REV3L: variants seen among roughly 807,000 people sequenced by gnomAD.
REV3L encodes DNA polymerase zeta catalytic subunit.
REV3L carries 69 observed loss-of-function variants against 299.4 expected under a neutral mutation model. The ratio of observed to expected loss-of-function variants is 0.23; its 90% CI spans 0.19 to 0.28. The LOEUF is 0.28. Among genes scored for constraint, REV3L ranks in the 10% least tolerant of loss-of-function variants. The pLI is 1.00. For missense variants in REV3L, 3,128 were observed against 3,693.8 expected, an observed-to-expected ratio of 0.85 and a Z score of 3.97; for synonymous variants, 1,238 against 1,271.4, an observed-to-expected ratio of 0.97 and a Z score of 0.56.
chr6:111,333,704 G>GAC (rs1366648915), intron 22 of REV3L, among the ~76,000 whole-genome samples: 1 of 151,992 alleles, frequency 6.6e-6, no homozygotes, highest in African/African-American at 2.4e-5. Context: ...TCGAACTCCT[G>GAC]ACCTCAGGTG....
rs755311863 is a variant in REV3L, at chr6:111,368,077, C to T, written c.5760-49G>A. Reference sequence around the variant, plus strand: ...ACTGTTTTGTTTCAAAGAGCAATTACCAAAATATTTAACTCCATATCCTAG... The same window carrying T: ...ACTGTTTTGTTTCAAAGAGCAATTATCAAAATATTTAACTCCATATCCTAG... On this transcript the variant is annotated intron_variant, in intron 13 of 31. Coordinates refer to ENST00000368802, the MANE Select transcript of REV3L (RefSeq NM_001372078.1). 6.8e-6 allele frequency: 10 copies of T among 1,468,550 alleles called. No homozygotes were observed. The East Asian group carries it at 2.1e-4, about 31-fold the overall frequency. The allele number at this position is 1,468,550 out of a possible 1,614,324, so 91.0% of individuals were successfully genotyped here.
intron 4 of REV3L, among the ~76,000 whole-genome samples, chr6:111,404,766 G>A (rs183721990): frequency 2.3e-4 from 35 of 152,028 alleles, no homozygotes; most frequent in South Asian, 4.2e-4. Context: ...TAATATCAAC[G>A]GCTCTATAAA....
intron 9 of REV3L, 72 bp from the exon 10 acceptor site, chr6:111,381,516 T>A: frequency 7.3e-7 from 1 of 1,362,100 alleles, no homozygotes; most frequent in Non-Finnish European, 1.0e-6. Flanking sequence ...AGAATTTGTG[T>A]AAATTTGGAA....
chr6:111,440,486 A>C (rs1273603711), intron 1 of REV3L, among the ~76,000 whole-genome samples: 1 of 152,146 alleles, frequency 6.6e-6, no homozygotes, highest in African/African-American at 2.4e-5. Context: ...AGTTACAATG[A>C]TTTAAAATTC....
At chr6:111,323,217 T>C (rs1312376830) in intron 25 of REV3L, among the ~76,000 whole-genome samples, 1 of 152,200 alleles carries the variant, frequency 6.6e-6, no homozygotes, top group East Asian at 1.9e-4. Flanking sequence ...CTTGAACTCC[T>C]GATTTCGTGA....
rs144311082 is a variant in REV3L at position 111,376,131 on chromosome 6, C to T, written c.2224G>A (p.Glu742Lys). 1.9e-6 allele frequency: 3 copies of T among 1,612,864 alleles called. No individual in the cohort carries two copies. The highest frequency in any genetic ancestry group is 4.5e-5 in the East Asian group (2 of 44,880). The change falls in exon 13 of 32, where the codon GAA becomes AAA. Residue 742 changes from glutamate to lysine, a missense_variant. Glu to Lys is a moderately conservative substitution (Grantham distance 56). Transcript: ENST00000368802. ...LSSLFPSSFT[E>K]NCELLSCSGE... ...GAGCATGACAGTAATTCACAATTTT[C>T]AGTAAATGATGAAGGGAATAAACTA...
At chr6:111,331,916 G>C in intron 23 of REV3L, 132 bp from the exon 24 acceptor site, 2 of 612,514 alleles carry the variant, frequency 3.3e-6, no homozygotes, top group Admixed American at 3.4e-5. Flanking sequence ...CATGTACTTA[G>C]TAATATGTTT....
intron 1 of REV3L, among the ~76,000 whole-genome samples, chr6:111,443,504 A>C (rs1583013842): frequency 6.6e-6 from 1 of 152,266 alleles, no homozygotes; most frequent in Admixed American, 6.5e-5. Flanking sequence ...GCAGGCAACT[A>C]ATTTACTTGC....
rs191584056 is a variant in REV3L at position 111,337,503 on chromosome 6, G to C, written c.7539-1893C>G. ...CAATGGTATGATGAACATTTTTAAA[G>C]CTAAGTCTTTATACAGATGATTAAA... is the stretch of plus-strand genomic sequence containing the variant. On this transcript the variant is annotated intron_variant, in intron 21 of 31. Transcript: ENST00000368802. Among the ~76,000 whole-genome samples, 225 of 152,160 alleles carry C rather than the reference G, an allele frequency of 1.5e-3. 3 individuals carry two copies. Among genetic ancestry groups the C allele is most frequent in the Admixed American group, 2.0e-3 (30 of 15,276 alleles).
intron 30 of REV3L, 66 bp downstream of exon 30, chr6:111,309,787 T>C: frequency 6.5e-7 from 1 of 1,549,602 alleles, no homozygotes; most frequent in East Asian, 2.3e-5. Flanking sequence ...AAACCTTTAG[T>C]TCTACTGAAA....
At chr6:111,412,035 C>A (rs1021882957) in intron 2 of REV3L, 1 of 985,188 alleles carries the variant, frequency 1.0e-6, no homozygotes, top group Non-Finnish European at 1.2e-6. Context: ...AAGTCCTTTA[C>A]TTAACAACAC....
chr6:111,421,320 A>T (rs576460911), intron 1 of REV3L, among the ~76,000 whole-genome samples: 3 of 152,192 alleles, frequency 2.0e-5, no homozygotes, highest in African/African-American at 7.2e-5. Flanking sequence ...ATAAACACAA[A>T]GACTAAATGT....
intron 1 of REV3L, chr6:111,430,172 C>A: frequency 1.3e-6 from 1 of 791,522 alleles, no homozygotes; most frequent in Non-Finnish European, 2.3e-6. Context: ...TAGACTTGCC[C>A]GGTGAGAAGC....
chr6:111,464,388 T>G (rs1232165823), intron 1 of REV3L, among the ~76,000 whole-genome samples: 8 of 152,166 alleles, frequency 5.3e-5, no homozygotes, highest in African/African-American at 1.9e-4. Context: ...AAAATAGCCC[T>G]TGTTCATAGA....
At position 111,444,337 on chromosome 6, in the gene REV3L, T is replaced by C. The variant is rs550649251; in HGVS notation, c.140-27865A>G. Reference sequence around the variant, plus strand: ...ATATACAAAATATTTTTAAAGTCTCTGTCTAGAAGGAGATTTTTAAAAACA... The same window carrying C: ...ATATACAAAATATTTTTAAAGTCTCCGTCTAGAAGGAGATTTTTAAAAACA... On this transcript the variant is annotated intron_variant, in intron 1 of 31. Transcript: ENST00000368802. 5.9e-5 allele frequency among the ~76,000 whole-genome samples: 9 copies of C among 152,322 alleles called. No individual in the cohort carries two copies. In the East Asian group the frequency reaches 1.3e-3, roughly 23 times the overall value.
chr6:111,390,119 C>A lies in REV3L; in HGVS notation c.724G>T (p.Ala242Ser). 6.2e-7 allele frequency: 1 copy of A among 1,610,716 alleles called. No homozygotes were observed. Among genetic ancestry groups the A allele is most frequent in the South Asian group, 1.1e-5 (1 of 90,974 alleles). ...STCELEVDAVAADILNRLDIE... is the reference protein window; with the variant it reads ...STCELEVDAVSADILNRLDIE... ...TCCAGACGATTTAAGATATCAGCAG[C>A]TACAGCATCCACTTCTAATTCACAT... Residue 242 changes from alanine (A) to serine (S), a missense_variant, in exon 6 of 32, where the codon GCT becomes TCT. This residue lies in a region of REV3L where 2,409 missense variants were observed against 2,611.8 expected (regional missense o/e 0.92). Transcript: ENST00000368802.
rs1554268900 is a variant in REV3L at position 111,303,688 on chromosome 6, T to TTAAGATGG, written c.9253-3533_9253-3532insCCATCTTA. ...AGCCGAGGCTTTTTTTTTTTTTTTT[T>TTAAGATGG]AACAGACTATGACTTTTTTTTTTTT... On this transcript the variant is annotated intron_variant, in intron 31 of 31. Transcript: ENST00000368802. Among the ~76,000 whole-genome samples the TTAAGATGG allele has an allele frequency of 3.7e-4, 29 of 78,498 alleles. 1 individual carries two copies. Among genetic ancestry groups the TTAAGATGG allele is most frequent in the Non-Finnish European group, 7.3e-4 (24 of 33,020 alleles). 51.5% of individuals were successfully genotyped at this position (78,498 alleles called of 152,430 possible).
At chr6:111,323,680 A>G (rs1200201106) in intron 25 of REV3L, among the ~76,000 whole-genome samples, 2 of 152,210 alleles carry the variant, frequency 1.3e-5, no homozygotes, top group Non-Finnish European at 2.9e-5. Flanking sequence ...AGGAGACTAT[A>G]TAACAATGCT....
chr6:111,301,374 A>G (rs1360241322), intron 31 of REV3L, among the ~76,000 whole-genome samples: 2 of 152,044 alleles, frequency 1.3e-5, no homozygotes, highest in African/African-American at 4.8e-5. Context: ...GAAGCATGTG[A>G]CCCACTCCCT....
Sources: allele counts gnomAD v4.1 joint callset (sites outside exome capture counted in the v4.1 genomes callset), GRCh38; gene constraint gnomAD v4.1.1; regional missense constraint gnomAD v4.1.1; transcripts MANE v1.5; gene names NCBI Gene and HGNC (gene_info 2026-07-23, HGNC 2026-07-21).